Variants in CAST observed in about 807,000 individuals in gnomAD.
CAST encodes calpastatin, also known as MIR583 host.
A neutral mutation model predicts 119.6 loss-of-function variants in CAST; 76 were observed. That is an observed-to-expected ratio of 0.64 (90% CI 0.53 to 0.77). The LOEUF (loss-of-function observed/expected upper bound fraction) is 0.77, where lower values mean the gene tolerates loss of function less well. Among genes scored for constraint, CAST ranks in the 30% least tolerant of loss-of-function variants. CAST has a pLI of 0.00. For missense variants in CAST, 953 were observed against 946.5 expected (o/e 1.01, Z -0.09); for synonymous variants, 319 against 331.6 (o/e 0.96, Z 0.41).
chr5:96,542,105 T>G (rs1745923842), intron 1 of CAST, among the ~76,000 whole-genome samples: 1 of 152,008 alleles, frequency 6.6e-6, no homozygotes, highest in Admixed American at 6.5e-5. Context: ...GGTCAGGAGA[T>G]CGAGACCATC....
chr5:96,581,111 C>A (rs1423265303), intron 1 of CAST, among the ~76,000 whole-genome samples: 1 of 152,196 alleles, frequency 6.6e-6, no homozygotes, highest in Non-Finnish European at 1.5e-5. Flanking sequence ...TTTACAGCAG[C>A]CTGAAAGGCT....
the CAST span, among the ~76,000 whole-genome samples, chr5:96,069,355 A>ATGTGTGTG: frequency 1.3e-4 from 18 of 141,694 alleles, no homozygotes; most frequent in South Asian, 3.9e-3. Context: ...GTGTGTATGT[A>ATGTGTGTG]TGTGTGTGTG....
chr5:96,017,402 A>C, the CAST span, among the ~76,000 whole-genome samples: 1 of 152,164 alleles, frequency 6.6e-6, no homozygotes, highest in African/African-American at 2.4e-5. Flanking sequence ...TCTTTCTTTA[A>C]CATTTTCTAA....
At chr5:96,635,506 A>C (rs1747874959) in intron 1 of CAST, among the ~76,000 whole-genome samples, 1 of 152,234 alleles carries the variant, frequency 6.6e-6, no homozygotes, top group African/African-American at 2.4e-5. Context: ...GAGATAAGCC[A>C]TCCAATACTG....
chr5:96,111,447 C>T, the CAST span, among the ~76,000 whole-genome samples: 1 of 152,328 alleles, frequency 6.6e-6, no homozygotes, highest in Non-Finnish European at 1.5e-5. Context: ...GTGATTAGCT[C>T]AATCTCCAGC....
the CAST span, among the ~76,000 whole-genome samples, chr5:96,071,599 C>T: frequency 6.6e-6 from 1 of 152,164 alleles, no homozygotes; most frequent in Non-Finnish European, 1.5e-5. Context: ...TCTTTGGAGA[C>T]TTTCCTGGCC....
chr5:96,729,683 A>G lies in CAST; in HGVS notation c.507A>G (p.Arg169=). ...CTCACAATAAAAAAGCAGTTTCCAG[A>G]TCAGCTGAACAGCAGCCATCAGAGA... ...NDAHNKKAVS[R]SAEQQPSEKS... Residue 169 remains arginine, a synonymous_variant, in exon 8 of 32, where the codon AGA becomes AGG. Transcript: ENST00000675179. 7 of 1,592,318 alleles carry G rather than the reference A, an allele frequency of 4.4e-6. No homozygotes were observed. Among genetic ancestry groups the G allele is most frequent in the Non-Finnish European group, 6.0e-6 (7 of 1,160,200 alleles).
chr5:96,381,679 G>A, the CAST span, among the ~76,000 whole-genome samples: 860 of 152,276 alleles, frequency 5.6e-3, 8 homozygotes, highest in African/African-American at 0.02. Flanking sequence ...GAGGTGCGCT[G>A]GTGAGTGCAG....
the CAST span, among the ~76,000 whole-genome samples, chr5:96,194,964 A>G: frequency 1.3e-5 from 2 of 152,204 alleles, no homozygotes; most frequent in South Asian, 2.1e-4. Context: ...TTGGATGATA[A>G]AAGATTTGAG....
the CAST span, among the ~76,000 whole-genome samples, chr5:96,241,604 G>A: frequency 3.5e-5 from 5 of 144,844 alleles, no homozygotes; most frequent in African/African-American, 1.2e-4. Flanking sequence ...GGGTCAAATG[G>A]TATTTCTAGT....
At chr5:96,261,812 G>T in the CAST span, among the ~76,000 whole-genome samples, 75 of 152,274 alleles carry the variant, frequency 4.9e-4, no homozygotes, top group Middle Eastern at 3.4e-3. Context: ...TGTGGCTAGC[G>T]GCTGCCATAT....
the CAST span, among the ~76,000 whole-genome samples, chr5:96,054,019 G>A: frequency 2.0e-5 from 3 of 152,170 alleles, no homozygotes; most frequent in Non-Finnish European, 2.9e-5. Flanking sequence ...ATGTGTTGAC[G>A]TTTGATATTA....
At position 96,713,747 on chromosome 5, in the gene CAST, G is replaced by C. The variant is rs149827590; in HGVS notation, c.211-8892G>C. On this transcript the variant is annotated intron_variant, in intron 3 of 31. Coordinates refer to ENST00000675179, the MANE Select transcript of CAST (RefSeq NM_001750.7). ...CCAGCACTTCGGGGAGGCTGAGGTGGGTGGATCACCTGAGGTCAGGAGTTT... is the reference window on the plus strand; with the variant it reads ...CCAGCACTTCGGGGAGGCTGAGGTGCGTGGATCACCTGAGGTCAGGAGTTT... Among the ~76,000 whole-genome samples the C allele has an allele frequency of 6.5e-3, 982 of 152,156 alleles. 15 individuals carry two copies. Among genetic ancestry groups the C allele is most frequent in the African/African-American group, 0.023 (950 of 41,514 alleles).
In CAST at chr5:96,619,694, C is replaced by T. The variant is rs538044316; in HGVS notation, c.61-55845C>T. ...CCCACCAGAAGGAAGCAACTCCGAA[C>T]GCATCCAAACATCAGAATAACAAAC... On this transcript the variant is annotated intron_variant, in intron 1 of 11. Transcript: ENST00000505143. 1.7e-4 allele frequency among the ~76,000 whole-genome samples: 26 copies of T among 152,302 alleles called. No individual in the cohort carries two copies. The South Asian group carries it at 3.3e-3, about 19-fold the overall frequency.
intron 1 of CAST, among the ~76,000 whole-genome samples, chr5:96,588,909 G>A (rs1057332823): frequency 6.6e-6 from 1 of 152,100 alleles, no homozygotes; most frequent in African/African-American, 2.4e-5. Flanking sequence ...CCATATATTG[G>A]TACTGGAATT....
chr5:96,214,833 C>T, the CAST span: 1 of 152,096 alleles, frequency 6.6e-6, no homozygotes, highest in Non-Finnish European at 1.5e-5. Context: ...CTCAGGAAAC[C>T]ATATCCATAA....
intron 1 of CAST, among the ~76,000 whole-genome samples, chr5:96,642,054 G>GCTTC (rs1479773797): frequency 6.6e-6 from 1 of 152,204 alleles, no homozygotes; most frequent in East Asian, 1.9e-4. Flanking sequence ...TCTCAGAAAT[G>GCTTC]CTTCCTCTCT....
At chr5:96,679,940 GATA>G (rs1464268169) in intron 2 of CAST, among the ~76,000 whole-genome samples, 1 of 151,956 alleles carries the variant, frequency 6.6e-6, no homozygotes, top group Non-Finnish European at 1.5e-5. Flanking sequence ...AAATTAACGC[GATA>G]ATGTCATGTA....
At chr5:96,205,381 G>T in the CAST span, among the ~76,000 whole-genome samples, 1 of 152,154 alleles carries the variant, frequency 6.6e-6, no homozygotes, top group African/African-American at 2.4e-5. Flanking sequence ...TAAATTGTGT[G>T]TTATGGGAGG....
Sources: gnomAD v4.1 joint callset for allele counts (sites outside exome capture counted in the v4.1 genomes callset) on GRCh38, gnomAD v4.1.1 for gene constraint, MANE v1.5 for transcripts, NCBI Gene and HGNC (gene_info 2026-07-23, HGNC 2026-07-21) for gene names.